The following PLLP variants were observed in gnomAD, a reference collection of about 807,000 sequenced individuals.
The protein encoded by PLLP is plasmolipin, also known as plasma membrane proteolipid (plasmolipin).
A neutral mutation model predicts 19.7 loss-of-function variants in PLLP; 15 were observed. The observed-to-expected ratio is 0.76, with a 90% CI of 0.51 to 1.17. PLLP has a LOEUF of 1.17. PLLP is among the 50% of genes most tolerant of loss of function. PLLP has a pLI of 0.00. For missense variants in PLLP, 255 were observed against 258.3 expected, an observed-to-expected ratio of 0.99 and a Z score of 0.09; for synonymous variants, 111 against 116.3, an observed-to-expected ratio of 0.95 and a Z score of 0.29.
Position 57,284,510 on chromosome 16 carries a change from G to A in PLLP, c.31C>T (p.Arg11Trp), listed in dbSNP as rs778132118. 3 of 1,402,366 alleles carry A rather than the reference G, an allele frequency of 2.1e-6. No individual in the cohort carries two copies. The highest frequency in any genetic ancestry group is 2.8e-6 in the Non-Finnish European group (3 of 1,067,480). 86.9% of individuals were successfully genotyped at this position (1,402,366 alleles called of 1,614,324 possible). The change falls in exon 1 of 4, where the codon CGG becomes TGG. Residue 11 changes from arginine (R) to tryptophan (W), a missense_variant. Physicochemically the swap from Arg to Trp is moderately radical, Grantham distance 101. Transcript: ENST00000219207. Reference protein sequence around the residue: MAEFPSKVSTRTSSPAQGAEA... With the variant: MAEFPSKVSTWTSSPAQGAEA... ...GCGCCCTGCGCAGGACTGCTGGTCC[G>A]CGTGCTAACTTTCGACGGGAACTCG...
intron 3 of PLLP, among the ~76,000 whole-genome samples, 181 bp downstream of exon 3, chr16:57,258,281 C>A (rs1048763252): frequency 6.6e-6 from 1 of 152,102 alleles, no homozygotes; most frequent in Non-Finnish European, 1.5e-5. Context: ...CACCACACAC[C>A]ACTCTCCACT....
chr16:57,259,007 G>A (rs1468928855), intron 2 of PLLP, among the ~76,000 whole-genome samples: 1 of 151,750 alleles, frequency 6.6e-6, no homozygotes, highest in Non-Finnish European at 1.5e-5. Flanking sequence ...AATAGCCATT[G>A]GATGGTGATG....
chr16:57,258,315 G>A (rs767521504), intron 3 of PLLP, 147 bp downstream of exon 3: 41 of 691,650 alleles, frequency 5.9e-5, no homozygotes, highest in Non-Finnish European at 6.9e-5. Flanking sequence ...GCCTGGAGGC[G>A]GCCCGGCTCC....
chr16:57,278,498 A>G (rs115162053), intron 1 of PLLP, among the ~76,000 whole-genome samples: 287 of 152,364 alleles, frequency 1.9e-3, no homozygotes, highest in African/African-American at 6.4e-3. Flanking sequence ...GCTTTAGTGT[A>G]ATCTGTACAG....
chr16:57,261,998 T>A lies in PLLP; in HGVS notation c.208A>T (p.Met70Leu), dbSNP rs770543993. 2 of 1,614,044 alleles carry A rather than the reference T, an allele frequency of 1.2e-6. No individual in the cohort carries two copies. The highest frequency in any genetic ancestry group is 2.2e-5 in the South Asian group (2 of 91,082). The change falls in exon 2 of 4, where the codon ATG (methionine) becomes TTG (leucine). Residue 70 changes from methionine to leucine, a missense_variant. Transcript: ENST00000219207. ...AGCCAGAGGAAGACAGCGACGAACA[T>A]CACCCAGCCATAGGCCGGATACAGG... ...YHLYPAYGWV[M>L]FVAVFLWLVT...
At chr16:57,281,238 C>A (rs1901215097) in intron 1 of PLLP, among the ~76,000 whole-genome samples, 1 of 152,196 alleles carries the variant, frequency 6.6e-6, no homozygotes. Flanking sequence ...AAAAATCACT[C>A]CTGTGGAGGA....
intron 1 of PLLP, among the ~76,000 whole-genome samples, chr16:57,263,023 C>A (rs1047417722): frequency 3.3e-4 from 51 of 152,312 alleles, no homozygotes; most frequent in African/African-American, 1.2e-3. Flanking sequence ...CCAGCACAGG[C>A]CCTAGGCCCT....
chr16:57,270,383 C>CCCCTGAGTGCTTCCCAGGT (rs2075470965), intron 1 of PLLP, among the ~76,000 whole-genome samples: 1 of 150,718 alleles, frequency 6.6e-6, no homozygotes, highest in Non-Finnish European at 1.5e-5. Context: ...CCATCCATGG[C>CCCCTGAGTGCTTCCCAGGT]CCCTGAGTGC....
chr16:57,265,375 G>A (rs1239216219), intron 1 of PLLP, among the ~76,000 whole-genome samples: 2 of 152,392 alleles, frequency 1.3e-5, no homozygotes, highest in East Asian at 3.9e-4. Context: ...CCCTTCTCCA[G>A]GTGAGAACTG....
chr16:57,284,523 C>G lies in PLLP; in HGVS notation c.18G>C (p.Ser6=), dbSNP rs1231265984. The G allele has an allele frequency of 7.2e-7, 1 of 1,389,418 alleles. No individual in the cohort carries two copies. Among genetic ancestry groups the G allele is most frequent in the Non-Finnish European group, 9.4e-7 (1 of 1,061,566 alleles). The allele number at this position is 1,389,418 out of a possible 1,614,324, so 86.1% of individuals were successfully genotyped here. ...GACTGCTGGTCCGCGTGCTAACTTT[C>G]GACGGGAACTCGGCCATGGCGGCTC... is the stretch of plus-strand genomic sequence containing the variant. MAEFP[S]KVSTRTSSPA... Residue 6 remains serine, a synonymous_variant, in exon 1 of 4, where the codon TCG becomes TCC. Coordinates refer to ENST00000219207, the MANE Select transcript of PLLP (RefSeq NM_015993.3).
At chr16:57,258,987 AC>A (rs2075434451) in intron 2 of PLLP, among the ~76,000 whole-genome samples, 1 of 150,212 alleles carries the variant, frequency 6.7e-6, no homozygotes, top group African/African-American at 2.5e-5. Flanking sequence ...TCCCACTGGC[AC>A]ACTCCTTGAA....
intron 1 of PLLP, among the ~76,000 whole-genome samples, chr16:57,277,347 T>C (rs1901166081): frequency 1.3e-5 from 2 of 152,240 alleles, no homozygotes; most frequent in African/African-American, 4.8e-5. Context: ...CCCAGCACTC[T>C]GGGAGGCCGA....
At chr16:57,280,143 A>G (rs1901201096) in intron 1 of PLLP, among the ~76,000 whole-genome samples, 1 of 152,096 alleles carries the variant, frequency 6.6e-6, no homozygotes, top group Non-Finnish European at 1.5e-5. Flanking sequence ...TTCCCCCTAG[A>G]AAGCACTCTA....
intron 1 of PLLP, among the ~76,000 whole-genome samples, chr16:57,264,727 T>C (rs950185955): frequency 6.6e-6 from 1 of 152,168 alleles, no homozygotes; most frequent in East Asian, 1.9e-4. Flanking sequence ...GGTGCACCTG[T>C]GGTCCCAGCT....
Position 57,256,263 on chromosome 16 carries a change from CAGAGA to C in PLLP, c.*645_*649del. On this transcript the variant is annotated 3_prime_UTR_variant, in exon 4 of 4. Coordinates refer to ENST00000219207, the MANE Select transcript of PLLP (RefSeq NM_015993.3). ...TTAGCTTCGCCCAAAGGGAGTATTA[CAGAGA>C]GAGGCTTGGGAAAGGGAAGGAAACC... 1 of 388,406 alleles carries C rather than the reference CAGAGA, an allele frequency of 2.6e-6. No individual in the cohort carries two copies. Among genetic ancestry groups the C allele is most frequent in the Non-Finnish European group, 4.5e-6 (1 of 220,416 alleles). 24.1% of individuals were successfully genotyped at this position (388,406 alleles called of 1,614,324 possible).
chr16:57,273,960 T>C (rs1028348666), intron 1 of PLLP, among the ~76,000 whole-genome samples: 2 of 152,338 alleles, frequency 1.3e-5, no homozygotes, highest in African/African-American at 2.4e-5. Context: ...GCCACCTTCA[T>C]AGCTTTTGCC....
chr16:57,264,886 T>A (rs2075452432), intron 1 of PLLP, among the ~76,000 whole-genome samples: 1 of 152,152 alleles, frequency 6.6e-6, no homozygotes, highest in Non-Finnish European at 1.5e-5. Flanking sequence ...TTAAGTAAAG[T>A]TAAAATTAAA....
chr16:57,279,197 G>GC (rs1172666781), intron 1 of PLLP, among the ~76,000 whole-genome samples: 1 of 152,098 alleles, frequency 6.6e-6, no homozygotes, highest in Non-Finnish European at 1.5e-5. Context: ...AGGAAGTGAG[G>GC]CTCAGGGAAA....
intron 3 of PLLP, among the ~76,000 whole-genome samples, chr16:57,257,630 C>T (rs1334636367): frequency 6.6e-6 from 1 of 152,146 alleles, no homozygotes; most frequent in Non-Finnish European, 1.5e-5. Context: ...TCGCAGGATC[C>T]TGGGAGGAGA....
Sources: allele counts gnomAD v4.1 joint callset (sites outside exome capture counted in the v4.1 genomes callset), GRCh38; gene constraint gnomAD v4.1.1; transcripts MANE v1.5; gene names NCBI Gene and HGNC (gene_info 2026-07-23, HGNC 2026-07-21).